POU6F2: variants seen among roughly 807,000 people sequenced by gnomAD.
POU6F2 encodes POU domain, class 6, transcription factor 2.
POU6F2 carries 31 observed loss-of-function variants against 71.3 expected under a neutral mutation model. That is an observed-to-expected ratio of 0.43 (90% CI 0.33 to 0.59). POU6F2 has a LOEUF of 0.59. POU6F2 is among the 20% of genes least tolerant of loss of function. POU6F2 has a pLI of 0.04. For missense variants in POU6F2, 783 were observed against 856.8 expected, an observed-to-expected ratio of 0.91 and a Z score of 1.07; for synonymous variants, 347 against 355.7, an observed-to-expected ratio of 0.98 and a Z score of 0.27.
chr7:39,026,597 T>C (rs946383858), intron 1 of POU6F2, among the ~76,000 whole-genome samples: 2 of 151,904 alleles, frequency 1.3e-5, no homozygotes, highest in Admixed American at 1.3e-4. Context: ...CTGGGGACTG[T>C]TGTGGGGTGG....
intron 2 of POU6F2, among the ~76,000 whole-genome samples, chr7:39,145,095 C>T (rs1562722432): frequency 6.6e-6 from 1 of 152,206 alleles, no homozygotes; most frequent in Non-Finnish European, 1.5e-5. Flanking sequence ...TTTCTCTCTC[C>T]ACTTAAATCT....
intron 2 of POU6F2, among the ~76,000 whole-genome samples, chr7:39,098,448 T>C (rs1298348944): frequency 4.6e-5 from 7 of 150,632 alleles, no homozygotes; most frequent in Non-Finnish European, 1.0e-4. Flanking sequence ...TAATTTTTTT[T>C]TTTTTAATTT....
chr7:39,338,040 C>T (rs559772764), intron 4 of POU6F2, among the ~76,000 whole-genome samples: 58 of 152,324 alleles, frequency 3.8e-4, no homozygotes, highest in African/African-American at 1.3e-3. Flanking sequence ...CAAAATGAAG[C>T]AGTATGGTAT....
intron 2 of POU6F2, among the ~76,000 whole-genome samples, chr7:39,128,761 G>C (rs113943190): frequency 6.6e-6 from 1 of 152,218 alleles, no homozygotes; most frequent in Non-Finnish European, 1.5e-5. Context: ...TTCTCAGGCA[G>C]TCTGGCAGCC....
chr7:39,347,028 A>G (rs537934019), intron 5 of POU6F2, among the ~76,000 whole-genome samples: 10 of 152,318 alleles, frequency 6.6e-5, no homozygotes, highest in African/African-American at 1.9e-4. Context: ...CTGGGTTTGA[A>G]TGCTCGCTGT....
chr7:39,327,456 T>A (rs1785534011), intron 4 of POU6F2, among the ~76,000 whole-genome samples: 2 of 152,058 alleles, frequency 1.3e-5, no homozygotes, highest in African/African-American at 4.8e-5. Context: ...ACACATACAA[T>A]CTTCTTAGGG....
intron 6 of POU6F2, among the ~76,000 whole-genome samples, chr7:39,407,353 T>A (rs922357339): frequency 6.6e-6 from 1 of 151,522 alleles, no homozygotes; most frequent in Non-Finnish European, 1.5e-5. Flanking sequence ...TTTACTTCAG[T>A]ATGTCAGGGG....
intron 1 of POU6F2, among the ~76,000 whole-genome samples, chr7:38,985,982 T>G (rs1019753651): frequency 6.6e-5 from 10 of 152,100 alleles, no homozygotes; most frequent in African/African-American, 2.4e-4. Context: ...ATATCTAGAT[T>G]CCTAGTGACG....
At chr7:39,159,967 A>C (rs1451663978) in intron 2 of POU6F2, among the ~76,000 whole-genome samples, 1 of 152,204 alleles carries the variant, frequency 6.6e-6, no homozygotes, top group African/African-American at 2.4e-5. Context: ...CAATTTAAAT[A>C]AGCCAATCCT....
At chr7:39,242,418 T>C (rs1783744736) in intron 4 of POU6F2, among the ~76,000 whole-genome samples, 1 of 151,758 alleles carries the variant, frequency 6.6e-6, no homozygotes, top group South Asian at 2.1e-4. Context: ...AGTTTAGCCA[T>C]CGCACTAAGC....
chr7:39,368,471 A>G (rs530614971), intron 5 of POU6F2, among the ~76,000 whole-genome samples: 1 of 152,382 alleles, frequency 6.6e-6, no homozygotes, highest in South Asian at 2.1e-4. Flanking sequence ...TCCATAATGT[A>G]AAAGTCAAGG....
chr7:39,379,550 T>C (rs1472650012), intron 5 of POU6F2, among the ~76,000 whole-genome samples: 1 of 152,170 alleles, frequency 6.6e-6, no homozygotes, highest in Non-Finnish European at 1.5e-5. Context: ...AATTATTTCT[T>C]TTTCCTGTTT....
intron 1 of POU6F2, among the ~76,000 whole-genome samples, chr7:39,062,782 T>G (rs1476542121): frequency 2.0e-5 from 3 of 151,392 alleles, no homozygotes; most frequent in Non-Finnish European, 1.5e-5. Context: ...CTGGGTTCAT[T>G]GACTCATGCC....
At chr7:39,261,948 T>C (rs1009978177) in intron 4 of POU6F2, among the ~76,000 whole-genome samples, 1 of 152,030 alleles carries the variant, frequency 6.6e-6, no homozygotes, top group Non-Finnish European at 1.5e-5. Flanking sequence ...TTTAGGCCTG[T>C]GGGAATCAGC....
intron 8 of POU6F2, among the ~76,000 whole-genome samples, chr7:39,458,883 A>G (rs894773441): frequency 1.3e-5 from 2 of 152,112 alleles, no homozygotes; most frequent in African/African-American, 4.8e-5. Flanking sequence ...TGACCAGACT[A>G]TATGGCTCCT....
At chr7:39,170,751 C>T (rs146825145) in intron 2 of POU6F2, among the ~76,000 whole-genome samples, 8 of 151,950 alleles carry the variant, frequency 5.3e-5, no homozygotes, top group South Asian at 2.1e-4. Context: ...GTGTTCCCAA[C>T]GCAAAGAAAA....
chr7:39,066,569 T>C (rs1187112606), intron 1 of POU6F2, among the ~76,000 whole-genome samples: 1 of 151,600 alleles, frequency 6.6e-6, no homozygotes, highest in Non-Finnish European at 1.5e-5. Context: ...AAACAACACA[T>C]AAAATATTTG....
At chr7:39,368,828 G>A (rs1786555217) in intron 5 of POU6F2, among the ~76,000 whole-genome samples, 1 of 152,188 alleles carries the variant, frequency 6.6e-6, no homozygotes, top group Non-Finnish European at 1.5e-5. Context: ...CTGGATGACA[G>A]CTCATCTGGA....
Position 39,464,453 on chromosome 7 carries a change from A to G in POU6F2, c.1930A>G (p.Thr644Ala). ...SKKRKRRTSF[T>A]PQALEILNAH... Reference sequence around the variant, plus strand: ...AAAGCGCAAGCGGCGCACCTCCTTCACACCCCAGGCCCTTGAGATCCTCAA... The same window carrying G: ...AAAGCGCAAGCGGCGCACCTCCTTCGCACCCCAGGCCCTTGAGATCCTCAA... Residue 644 changes from threonine (T) to alanine (A), a missense_variant, in exon 10 of 10, where the codon ACA becomes GCA. Thr to Ala is a moderately conservative substitution (Grantham distance 58). This residue lies in a region of POU6F2 where 211 missense variants were observed against 283.9 expected (regional missense o/e 0.74). Transcript: ENST00000518318. The surrounding 1 kb of genome is among the most constrained non-coding windows in gnomAD (Gnocchi z 4.1). 1 of 1,613,910 alleles carries G rather than the reference A, an allele frequency of 6.2e-7. No homozygotes were observed. The highest frequency in any genetic ancestry group is 8.5e-7 in the Non-Finnish European group (1 of 1,179,870).
Sources: allele counts gnomAD v4.1 joint callset (sites outside exome capture counted in the v4.1 genomes callset), GRCh38; gene constraint gnomAD v4.1.1; regional missense constraint gnomAD v4.1.1; non-coding constraint Gnocchi (gnomAD v3.1); transcripts MANE v1.5; gene names NCBI Gene and HGNC (gene_info 2026-07-23, HGNC 2026-07-21).